Variants in LCT observed in about 807,000 individuals in gnomAD.
LCT encodes the protein lactase/phlorizin hydrolase.
LCT carries 90 observed loss-of-function variants against 173.0 expected under a neutral mutation model. The observed-to-expected ratio is 0.52, with a 90% confidence interval of 0.44 to 0.62. The LOEUF (loss-of-function observed/expected upper bound fraction) is 0.62, where lower values mean the gene tolerates loss of function less well. Among genes scored for constraint, LCT ranks in the 20% least tolerant of loss-of-function variants. The pLI, the probability that LCT is intolerant of heterozygous loss-of-function variation, is 0.00. For missense variants in LCT, 1,864 were observed against 2,431.4 expected, an observed-to-expected ratio of 0.77 and a Z score of 4.91; for synonymous variants, 853 against 957.6, an observed-to-expected ratio of 0.89 and a Z score of 2.02.
intron 9 of LCT, 148 bp downstream of exon 9, chr2:135,806,979 TG>T: frequency 1.1e-6 from 1 of 891,414 alleles, no homozygotes; most frequent in Non-Finnish European, 1.8e-6. Flanking sequence ...CCAGGCTGTC[TG>T]GAAGAGGACC....
rs1227458387 is a variant in LCT, at chr2:135,812,765, G to T, written c.1899C>A (p.His633Gln). Reference sequence around the variant, plus strand: ...GGTAGTCTCCATCCACAAAGACGGGGTGTGCAAACCAGCCCAGCATGAAGT... The same window carrying T: ...GGTAGTCTCCATCCACAAAGACGGGTTGTGCAAACCAGCCCAGCATGAAGT... ...FLHFMLGWFAHPVFVDGDYPA... is the reference protein window; with the variant it reads ...FLHFMLGWFAQPVFVDGDYPA... The change falls in exon 7 of 17, where the codon CAC (histidine) becomes CAA (glutamine). Residue 633 changes from histidine (H) to glutamine (Q), a missense_variant. Physicochemically the swap from His to Gln is conservative, Grantham distance 24. Transcript: ENST00000264162. 6.2e-7 allele frequency: 1 copy of T among 1,614,176 alleles called. No individual in the cohort carries two copies.
In LCT at chr2:135,798,066, G is replaced by C. The variant is rs760773990; in HGVS notation, c.4939C>G (p.Arg1647Gly). The C allele has an allele frequency of 6.2e-7, 1 of 1,612,812 alleles. No homozygotes were observed. The highest frequency in any genetic ancestry group is 1.1e-5 in the South Asian group (1 of 91,050). ...AGGCCTGCAGCCAAGCTCCTGTCAC[G>C]GATCCGCGTCTTCATCACCTCATTG... is the stretch of plus-strand genomic sequence containing the variant. ...DYNEVMKTRI[R>G]DRSLAAGLNK... Residue 1647 changes from arginine to glycine, a missense_variant, in exon 13 of 17, where the codon CGT (arginine) becomes GGT (glycine). This residue lies in a region of LCT where 514 missense variants were observed against 750.1 expected (regional missense o/e 0.69). Coordinates refer to ENST00000264162, the MANE Select transcript of LCT (RefSeq NM_002299.4).
intron 5 of LCT, 52 bp downstream of exon 5, chr2:135,821,968 A>G: frequency 1.9e-6 from 2 of 1,030,550 alleles, no homozygotes; most frequent in Non-Finnish European, 3.1e-6. Context: ...AAAGAAACAG[A>G]GTATTCTACA....
rs2105562408 is a variant in LCT at position 135,836,585 on chromosome 2, G to A, written c.585C>T (p.Leu195=). 6 of 1,614,014 alleles carry A rather than the reference G, an allele frequency of 3.7e-6. No homozygotes were observed. Among genetic ancestry groups the A allele is most frequent in the Admixed American group, 1.7e-5 (1 of 60,018 alleles). Residue 195 remains leucine (L), a synonymous_variant, in exon 1 of 17, where the codon CTC becomes CTT. Transcript: ENST00000264162. ...QESRASQLQT[L]SDAHRKAYEI... ...CATAGGCTTTTCTGTGGGCATCACT[G>A]AGGGTCTGGAGTTGTGACGCTCTTG...
In LCT at chr2:135,794,064, G is replaced by A. The variant is rs555713390; in HGVS notation, c.5111+577C>T. 7.6e-4 allele frequency among the ~76,000 whole-genome samples: 116 copies of A among 152,062 alleles called. 2 individuals carry two copies. The highest frequency in any genetic ancestry group is 2.7e-3 in the African/African-American group (110 of 41,490). ...TGAGGCAGGGGAATCACTGGAACCC[G>A]GGTGGTGGAGGTTGCAGTGAGCCAA... is the stretch of plus-strand genomic sequence containing the variant. On this transcript the variant is annotated intron_variant, in intron 14 of 16. Coordinates refer to ENST00000264162, the MANE Select transcript of LCT (RefSeq NM_002299.4).
At chr2:135,793,750 C>G (rs188788931) in intron 14 of LCT, among the ~76,000 whole-genome samples, 63 of 152,130 alleles carry the variant, frequency 4.1e-4, no homozygotes, top group African/African-American at 1.4e-3. Context: ...ATGAAAAAGT[C>G]TCTAGATAAA....
At position 135,808,779 on chromosome 2, in the gene LCT, T is replaced by A; in HGVS notation, c.3568A>T (p.Thr1190Ser). 3 of 1,613,766 alleles carry A rather than the reference T, an allele frequency of 1.9e-6. No individual in the cohort carries two copies. The highest frequency in any genetic ancestry group is 2.5e-6 in the Non-Finnish European group (3 of 1,179,652). Residue 1190 changes from threonine (T) to serine (S), a missense_variant, in exon 8 of 17, where the codon ACT becomes TCT. Physicochemically the swap from Thr to Ser is moderately conservative, Grantham distance 58 (BLOSUM62 1). Around this residue, in one of 4 missense-constraint regions of LCT, gnomAD observed 755 missense variants for 926.3 expected, o/e 0.82. Coordinates refer to ENST00000264162, the MANE Select transcript of LCT (RefSeq NM_002299.4). ...HLATSRLPSF[T>S]EEEKRFIRAT... ...CTGATGAACCTCTTCTCTTCCTCAG[T>A]GAAGCTTGGCAGGCGGGAGGTGGCT...
At chr2:135,791,316 G>T (rs1378037875) in intron 14 of LCT, among the ~76,000 whole-genome samples, 1 of 152,264 alleles carries the variant, frequency 6.6e-6, no homozygotes, top group Non-Finnish European at 1.5e-5. Context: ...CAGACCACGG[G>T]TGAGGCCACA....
Position 135,805,061 on chromosome 2 carries a change from A to T in LCT, c.4174-4T>A. ...CTGCTCTCCACGCACCTTCAATCTCAAGATGACAAGACATGGTCTTATTAA... is the reference window on the plus strand; with the variant it reads ...CTGCTCTCCACGCACCTTCAATCTCTAGATGACAAGACATGGTCTTATTAA... On this transcript the variant is annotated splice_region_variant and splice_polypyrimidine_tract_variant and intron_variant, in intron 9 of 16. Transcript: ENST00000264162. 2 of 1,597,582 alleles carry T rather than the reference A, an allele frequency of 1.3e-6. No homozygotes were observed. Among genetic ancestry groups the T allele is most frequent in the Non-Finnish European group, 1.7e-6 (2 of 1,164,854 alleles).
At position 135,788,129 on chromosome 2, in the gene LCT, TGGA is replaced by T. The variant is rs1266340052; in HGVS notation, c.*192_*194del. ...CAAATGCCCAAATGAACTCTGATAC[TGGA>T]GCAAGATGGAGATATTTCCATTTTA... On this transcript the variant is annotated 3_prime_UTR_variant, in exon 17 of 17. Coordinates refer to ENST00000264162, the MANE Select transcript of LCT (RefSeq NM_002299.4). The T allele has an allele frequency of 9.6e-6, 6 of 623,480 alleles. No individual in the cohort carries two copies. Among genetic ancestry groups the T allele is most frequent in the Non-Finnish European group, 1.4e-5 (5 of 350,152 alleles). 38.6% of individuals were successfully genotyped at this position (623,480 alleles called of 1,614,324 possible).
rs374541257 is a variant in LCT at position 135,794,034 on chromosome 2, G to C, written c.5111+607C>G. On this transcript the variant is annotated intron_variant, in intron 14 of 16. Coordinates refer to ENST00000264162, the MANE Select transcript of LCT (RefSeq NM_002299.4). Reference sequence around the variant, plus strand: ...ACGCGCCTGTAATCCCAGCTACTTGGAGGCTGAGGCAGGGGAATCACTGGA... The same window carrying C: ...ACGCGCCTGTAATCCCAGCTACTTGCAGGCTGAGGCAGGGGAATCACTGGA... Among the ~76,000 whole-genome samples the C allele has an allele frequency of 4.0e-5, 6 of 151,828 alleles. No homozygotes were observed. In the East Asian group the frequency reaches 7.8e-4, roughly 20 times the overall value.
chr2:135,824,063 G>A, intron 3 of LCT, 60 bp from the exon 4 acceptor site: 1 of 1,113,040 alleles, frequency 9.0e-7, no homozygotes, highest in Non-Finnish European at 1.4e-6. Flanking sequence ...CTTGATAACA[G>A]GGACAGAGTT....
At position 135,789,638 on chromosome 2, in the gene LCT, G is replaced by GGCGTAGAACTTC; in HGVS notation, c.5484_5495dup (p.Lys1829_Ala1832dup). ...GGAAGCCATTGCATCGGACCACAGA[G>GGCGTAGAACTTC]GCGTAGAACTTCGCTGATGCTTTGG... On this transcript the variant is annotated inframe_insertion, in exon 16 of 17. Coordinates refer to ENST00000264162, the MANE Select transcript of LCT (RefSeq NM_002299.4). The GGCGTAGAACTTC allele has an allele frequency of 6.2e-7, 1 of 1,614,180 alleles. No homozygotes were observed. Among genetic ancestry groups the GGCGTAGAACTTC allele is most frequent in the Non-Finnish European group, 8.5e-7 (1 of 1,180,030 alleles).
At chr2:135,808,039 CAA>C (rs1182380031) in intron 8 of LCT, among the ~76,000 whole-genome samples, 1 of 138,580 alleles carries the variant, frequency 7.2e-6, no homozygotes. Flanking sequence ...GACTCCATCT[CAA>C]AAAAAAAAAA....
chr2:135,811,809 G>A (rs1326969725), intron 7 of LCT, among the ~76,000 whole-genome samples: 1 of 151,986 alleles, frequency 6.6e-6, no homozygotes, highest in Non-Finnish European at 1.5e-5. Context: ...GGTCAGGCAT[G>A]GTGGCTCATG....
chr2:135,818,522 C>T (rs998318175), intron 5 of LCT, among the ~76,000 whole-genome samples: 1 of 152,186 alleles, frequency 6.6e-6, no homozygotes, highest in Non-Finnish European at 1.5e-5. Context: ...TTATCCTCAT[C>T]CTACACAGGA....
Position 135,794,925 on chromosome 2 carries a change from C to A in LCT, c.4977-150G>T, listed in dbSNP as rs1234804558. On this transcript the variant is annotated intron_variant, in intron 13 of 16. Transcript: ENST00000264162. ...TGGCAGGGAAGGAGAAGAGGTCCTT[C>A]AGGCGGTGCAGGAAGCACTGCGGCT... 6 of 779,966 alleles carry A rather than the reference C, an allele frequency of 7.7e-6. No homozygotes were observed. In the East Asian group the frequency reaches 1.6e-4, roughly 21 times the overall value. 48.3% of individuals were successfully genotyped at this position (779,966 alleles called of 1,614,324 possible).
At chr2:135,808,109 AG>A (rs1156521989) in intron 8 of LCT, among the ~76,000 whole-genome samples, 1 of 152,246 alleles carries the variant, frequency 6.6e-6, no homozygotes, top group Admixed American at 6.5e-5. Flanking sequence ...AGCTCTACGA[AG>A]GCAGAAATTT....
intron 2 of LCT, among the ~76,000 whole-genome samples, chr2:135,832,769 C>A (rs1298709787): frequency 1.3e-5 from 2 of 152,062 alleles, no homozygotes; most frequent in African/African-American, 4.8e-5. Context: ...CAGAAGTGAG[C>A]CACCGTGTTT....
Sources: allele counts gnomAD v4.1 joint callset (sites outside exome capture counted in the v4.1 genomes callset), GRCh38; gene constraint gnomAD v4.1.1; regional missense constraint gnomAD v4.1.1; transcripts MANE v1.5; gene names NCBI Gene and HGNC (gene_info 2026-07-23, HGNC 2026-07-21).